KRI1: variants seen among roughly 807,000 people sequenced by gnomAD.
The protein encoded by KRI1 is KRI1 homolog.
KRI1 carries 83 observed loss-of-function variants against 97.0 expected under a neutral mutation model. The observed-to-expected ratio is 0.86, with a 90% CI of 0.72 to 1.03. KRI1 has a LOEUF of 1.03. KRI1 is among the 50% of genes least tolerant of loss of function. The pLI is 0.00. For missense variants in KRI1, 916 were observed against 928.4 expected (o/e 0.99, Z 0.17); for synonymous variants, 371 against 363.5 (o/e 1.02, Z -0.23).
At position 10,554,890 on chromosome 19, in the gene KRI1, T is replaced by A. The variant is rs544849892; in HGVS notation, c.1781+197A>T. 4.6e-5 allele frequency among the ~76,000 whole-genome samples: 7 copies of A among 152,284 alleles called. No individual in the cohort carries two copies. The South Asian group carries it at 1.0e-3, about 23-fold the overall frequency. The stretch of plus-strand genomic sequence containing the variant: ...CAGAACCGTCTCTATCTCCATCTTA[T>A]GAGAAAGAGGCCCAGAGAGGGGTAG... On this transcript the variant is annotated intron_variant, in intron 18 of 18. Coordinates refer to ENST00000312962, the MANE Select transcript of KRI1 (RefSeq NM_023008.5).
intron 15 of KRI1, 33 bp downstream of exon 15, chr19:10,557,734 CCT>C (rs1266072449): frequency 6.2e-7 from 1 of 1,613,958 alleles, no homozygotes; most frequent in South Asian, 1.1e-5. Flanking sequence ...CGCGGTGCCC[CCT>C]GCCTACCCAC....
chr19:10,565,636 C>G, intron 2 of KRI1, 81 bp downstream of exon 2: 1 of 1,428,166 alleles, frequency 7.0e-7, no homozygotes, highest in East Asian at 2.6e-5. Flanking sequence ...GTTGGGGGTT[C>G]CCCCCCGTCT....
Position 10,554,191 on chromosome 19 carries a change from C to T in KRI1, c.1872G>A (p.Met624Ile), listed in dbSNP as rs1916418554. 1 of 1,613,782 alleles carries T rather than the reference C, an allele frequency of 6.2e-7. No homozygotes were observed. The highest frequency in any genetic ancestry group is 1.7e-5 in the Admixed American group (1 of 59,988). Residue 624 changes from methionine (M) to isoleucine (I), a missense_variant, in exon 19 of 19, where the codon ATG becomes ATA. Physicochemically the swap from Met to Ile is conservative, Grantham distance 10. Coordinates refer to ENST00000312962, the MANE Select transcript of KRI1 (RefSeq NM_023008.5). ...RQLPALDGSL[M>I]GPESPPAQEE... ...CCTGTGCTGGGGGACTCTCCGGCCC[C>T]ATCAAGCTGCCATCAAGGGCTGGCA...
At chr19:10,560,883 G>A in intron 8 of KRI1, 120 bp downstream of exon 8, 2 of 753,284 alleles carry the variant, frequency 2.7e-6, no homozygotes, top group South Asian at 3.3e-5. Flanking sequence ...TTAAAGAGAT[G>A]TAGGAGCTGA....
At chr19:10,565,057 G>C (rs766407586) in intron 2 of KRI1, 23 bp from the exon 3 acceptor site, 3 of 1,501,254 alleles carry the variant, frequency 2.0e-6, no homozygotes, top group Non-Finnish European at 2.8e-6. Context: ...AAGGGTTGGG[G>C]ATAGATTTCA....
intron 16 of KRI1, among the ~76,000 whole-genome samples, chr19:10,556,630 G>C (rs1313955024): frequency 2.0e-5 from 3 of 151,526 alleles, no homozygotes; most frequent in African/African-American, 7.3e-5. Context: ...TTGCACCACC[G>C]CATGCCGGCC....
chr19:10,560,002 C>G, intron 9 of KRI1, 66 bp from the exon 10 acceptor site: 2 of 1,571,012 alleles, frequency 1.3e-6, no homozygotes, highest in South Asian at 1.1e-5. Context: ...CTTTCCTGCA[C>G]GCCTGGGTAC....
chr19:10,555,377 G>T, intron 16 of KRI1, 28 bp from the exon 17 acceptor site: 1 of 1,612,914 alleles, frequency 6.2e-7, no homozygotes, highest in Non-Finnish European at 8.5e-7. Flanking sequence ...GTGGGGACCT[G>T]CTGTGATATT....
chr19:10,559,926 G>A lies in KRI1; in HGVS notation c.811C>T (p.Pro271Ser), dbSNP rs562441820. ...EMEEEEGVHG[P>S]PVQLAVDDSS... ...TCGTCCACAGCCAGCTGGACTGGGG[G>A]ACCGTGGACCCTGAGGGGCAAGATG... The change falls in exon 10 of 19, where the codon CCC (proline) becomes TCC (serine). Residue 271 changes from proline (P) to serine (S), a missense_variant. Physicochemically the swap from Pro to Ser is moderately conservative, Grantham distance 74. Coordinates refer to ENST00000312962, the MANE Select transcript of KRI1 (RefSeq NM_023008.5). 24 of 1,611,442 alleles carry A rather than the reference G, an allele frequency of 1.5e-5. No individual in the cohort carries two copies. The South Asian group carries it at 1.5e-4, about 10-fold the overall frequency.
chr19:10,559,393 T>C lies in KRI1; in HGVS notation c.1160A>G (p.Asp387Gly). The change falls in exon 12 of 19, where the codon GAC becomes GGC. Residue 387 changes from aspartate to glycine, a missense_variant. Asp to Gly is a moderately conservative substitution (Grantham distance 94). Transcript: ENST00000312962. The stretch of plus-strand genomic sequence containing the variant: ...CTGGTCGTGCTGGGCAGGGTCGAAG[T>C]CGTCTTCAAGGTCCCCCTCCTCGAG... ...LGLEEGDLED[D>G]FDPAQHDQLM... 6.2e-7 allele frequency: 1 copy of C among 1,614,034 alleles called. No homozygotes were observed. Among genetic ancestry groups the C allele is most frequent in the Non-Finnish European group, 8.5e-7 (1 of 1,180,022 alleles).
rs1916688464 is a variant in KRI1 at position 10,561,216 on chromosome 19, C to T, written c.538G>A (p.Gly180Ser). The T allele has an allele frequency of 1.2e-6, 2 of 1,614,020 alleles. No homozygotes were observed. Among genetic ancestry groups the T allele is most frequent in the Admixed American group, 1.7e-5 (1 of 59,980 alleles). ...DSEDEDGAGE[G>S]GSSLLQKRAK... ...CGTTTCTGCAGCAAACTGGAGCCGC[C>T]CTCCCCAGCGCCGTCCTCGTCCTCA... The change falls in exon 7 of 19, where the codon GGC becomes AGC. Residue 180 changes from glycine to serine, a missense_variant. Gly to Ser is a moderately conservative substitution (Grantham distance 56). This residue lies in a region of KRI1 where 71 missense variants were observed against 108.1 expected (regional missense o/e 0.66). Coordinates refer to ENST00000312962, the MANE Select transcript of KRI1 (RefSeq NM_023008.5).
At chr19:10,560,895 G>A (rs1568423227) in intron 8 of KRI1, 108 bp downstream of exon 8, 1 of 828,378 alleles carries the variant, frequency 1.2e-6, no homozygotes, top group Non-Finnish European at 2.0e-6. Context: ...AGGAGCTGAG[G>A]CCCAGAGATG....
chr19:10,562,940 C>T lies in KRI1; in HGVS notation c.275-103G>A, dbSNP rs1012884353. The T allele has an allele frequency of 9.7e-6, 7 of 720,990 alleles. No homozygotes were observed. The African/African-American group carries it at 1.0e-4, about 11-fold the overall frequency. The allele number at this position is 720,990 out of a possible 1,614,324, so 44.7% of individuals were successfully genotyped here. Reference sequence around the variant, plus strand: ...CCAGGGTTAGACAGAGGATTCAAATCCCAAATCCACCAATTCCCAGCTGTC... The same window carrying T: ...CCAGGGTTAGACAGAGGATTCAAATTCCAAATCCACCAATTCCCAGCTGTC... On this transcript the variant is annotated intron_variant, in intron 3 of 18. Coordinates refer to ENST00000312962, the MANE Select transcript of KRI1 (RefSeq NM_023008.5).
At chr19:10,565,378 G>T (rs1331728531) in intron 2 of KRI1, 2 of 517,266 alleles carry the variant, frequency 3.9e-6, no homozygotes, top group African/African-American at 2.0e-5. Flanking sequence ...CAGGGCTGAT[G>T]TGAGAAGTTG....
chr19:10,561,684 C>A lies in KRI1; in HGVS notation c.471G>T (p.Gln157His). 1.9e-6 allele frequency: 3 copies of A among 1,613,972 alleles called. No homozygotes were observed. Among genetic ancestry groups the A allele is most frequent in the Non-Finnish European group, 2.5e-6 (3 of 1,179,924 alleles). Reference sequence around the variant, plus strand: ...AGCCTCACCTTTCCTTGAGCTGTTTCTGTTCCTCCACATAACTTTGCGACG... The same window carrying A: ...AGCCTCACCTTTCCTTGAGCTGTTTATGTTCCTCCACATAACTTTGCGACG... ...ETSSQSYVEE[Q>H]KQLKESFRAF... Residue 157 changes from glutamine to histidine, a missense_variant, in exon 6 of 19, where the codon CAG becomes CAT. Coordinates refer to ENST00000312962, the MANE Select transcript of KRI1 (RefSeq NM_023008.5).
intron 2 of KRI1, 110 bp downstream of exon 2, chr19:10,565,607 T>C: frequency 1.5e-6 from 2 of 1,373,426 alleles, no homozygotes; most frequent in Middle Eastern, 5.2e-4. Flanking sequence ...GATGGGACGC[T>C]CCCGCAGGGC....
chr19:10,562,873 AACCCCCT>A, intron 3 of KRI1, 36 bp from the exon 4 acceptor site: 2 of 1,298,172 alleles, frequency 1.5e-6, no homozygotes, highest in Non-Finnish European at 2.2e-6. Flanking sequence ...CATCACCCAC[AACCCCCT>A]TCTTTGCCGT....
At chr19:10,560,956 G>T in intron 8 of KRI1, 47 bp downstream of exon 8, 1 of 1,420,984 alleles carries the variant, frequency 7.0e-7, no homozygotes, top group Non-Finnish European at 1.0e-6. Context: ...TTGGATGGAC[G>T]CGGAACACGC....
chr19:10,560,898 C>T, intron 8 of KRI1, 105 bp downstream of exon 8: 1 of 858,214 alleles, frequency 1.2e-6, no homozygotes, highest in South Asian at 1.5e-5. Context: ...AGCTGAGGCC[C>T]AGAGATGTAC....
Sources: allele counts gnomAD v4.1 joint callset (sites outside exome capture counted in the v4.1 genomes callset), GRCh38; gene constraint gnomAD v4.1.1; regional missense constraint gnomAD v4.1.1; transcripts MANE v1.5; gene names NCBI Gene and HGNC (gene_info 2026-07-23, HGNC 2026-07-21).